SGMS2: variants seen among roughly 807,000 people sequenced by gnomAD.
The protein encoded by SGMS2 is sphingomyelin synthase 2.
In SGMS2, 21 loss-of-function variants were observed where a neutral mutation model predicts 43.8. The ratio of observed to expected loss-of-function variants is 0.48; its 90% CI spans 0.34 to 0.69. The LOEUF (loss-of-function observed/expected upper bound fraction) is 0.69. Among genes scored for constraint, SGMS2 ranks in the 30% least tolerant of loss-of-function variants. The pLI, the probability that SGMS2 is intolerant of heterozygous loss-of-function variation, is 0.01. For missense variants in SGMS2, 384 were observed against 443.2 expected (o/e 0.87, Z 1.20); for synonymous variants, 167 against 160.6 (o/e 1.04, Z -0.30).
At chr4:107,883,339 G>A (rs894561646) in intron 2 of SGMS2, among the ~76,000 whole-genome samples, 7 of 152,182 alleles carry the variant, frequency 4.6e-5, no homozygotes, top group South Asian at 4.1e-4. Context: ...TTTTGAAATA[G>A]AGTCTTGCTC....
chr4:107,826,894 GT>G (rs1725624694), intron 1 of SGMS2, among the ~76,000 whole-genome samples: 1 of 152,196 alleles, frequency 6.6e-6, no homozygotes, highest in Admixed American at 6.5e-5. Context: ...AACTTACAGG[GT>G]GAAAGATCTG....
At chr4:107,824,825 G>A (rs1440914133), upstream of SGMS2, 1 of 152,240 alleles carries the variant, frequency 6.6e-6, no homozygotes, top group African/African-American at 2.4e-5. Flanking sequence ...GAGTGGGCGG[G>A]CGAGGGTGTG....
At chr4:107,826,067 T>G (rs955940046) in intron 1 of SGMS2, among the ~76,000 whole-genome samples, 1 of 152,194 alleles carries the variant, frequency 6.6e-6, no homozygotes, top group African/African-American at 2.4e-5. Flanking sequence ...CTATTAACGG[T>G]GGGTGCTCAG....
intron 5 of SGMS2, among the ~76,000 whole-genome samples, chr4:107,905,357 A>G (rs1170429997): frequency 6.6e-6 from 1 of 152,224 alleles, no homozygotes; most frequent in Admixed American, 6.5e-5. Context: ...CCCATGATTC[A>G]GTTATTTCCC....
At chr4:107,846,397 A>G (rs921136393) in intron 1 of SGMS2, among the ~76,000 whole-genome samples, 2 of 151,242 alleles carry the variant, frequency 1.3e-5, no homozygotes, top group African/African-American at 4.9e-5. Flanking sequence ...TTTACTGAGA[A>G]TGATGATTTC....
chr4:107,862,264 C>A (rs1178647907), intron 2 of SGMS2, among the ~76,000 whole-genome samples: 1 of 152,172 alleles, frequency 6.6e-6, no homozygotes, highest in Non-Finnish European at 1.5e-5. Flanking sequence ...AACCCAGGCA[C>A]ACATGCTAAC....
At chr4:107,876,742 T>TA in intron 2 of SGMS2, among the ~76,000 whole-genome samples, 1 of 152,348 alleles carries the variant, frequency 6.6e-6, no homozygotes, top group Non-Finnish European at 1.5e-5. Context: ...TTTCATTTTT[T>TA]ATCCTGAGTT....
intron 2 of SGMS2, among the ~76,000 whole-genome samples, chr4:107,880,656 G>C (rs1729265409): frequency 6.6e-6 from 1 of 152,042 alleles, no homozygotes; most frequent in Admixed American, 6.6e-5. Flanking sequence ...AGAGGTTCGA[G>C]ATCAACCTGG....
chr4:107,847,589 C>A (rs901945121), intron 1 of SGMS2, among the ~76,000 whole-genome samples: 1 of 151,940 alleles, frequency 6.6e-6, no homozygotes, highest in African/African-American at 2.4e-5. Flanking sequence ...ATTGACTTGG[C>A]GATGCGGGCT....
At chr4:107,878,068 A>G (rs1328082159) in intron 2 of SGMS2, among the ~76,000 whole-genome samples, 1 of 151,480 alleles carries the variant, frequency 6.6e-6, no homozygotes, top group East Asian at 1.9e-4. Flanking sequence ...GGTGCGCACC[A>G]CCATGCCCGG....
intron 2 of SGMS2, among the ~76,000 whole-genome samples, chr4:107,869,754 AT>A (rs1415115140): frequency 6.6e-6 from 1 of 152,172 alleles, no homozygotes; most frequent in Non-Finnish European, 1.5e-5. Flanking sequence ...TAGAGGACAG[AT>A]TAAAAAAAAA....
rs1732052736 is a variant in SGMS2 at position 107,910,683 on chromosome 4, T to A, written c.*130T>A. On this transcript the variant is annotated 3_prime_UTR_variant, in exon 7 of 7. Coordinates refer to ENST00000690982, the MANE Select transcript of SGMS2 (RefSeq NM_001375905.1). ...ATGGACCAAATTTTGTGTAAACGAT[T>A]AGAAAGATGAACAAAGTATTGCCCT... is the stretch of plus-strand genomic sequence containing the variant. 1.0e-5 allele frequency: 8 copies of A among 780,304 alleles called. No individual in the cohort carries two copies. In the South Asian group the frequency reaches 1.5e-4, roughly 15 times the overall value. 48.3% of individuals were successfully genotyped at this position (780,304 alleles called of 1,614,324 possible).
intron 2 of SGMS2, among the ~76,000 whole-genome samples, chr4:107,860,190 T>A (rs564785030): frequency 1.2e-4 from 19 of 152,084 alleles, no homozygotes; most frequent in Non-Finnish European, 2.5e-4. Context: ...GTACTATATT[T>A]CTCTGCAATG....
rs112395970 is a variant in SGMS2 at position 107,837,790 on chromosome 4, C to T, written c.-327+12537C>T. Reference sequence around the variant, plus strand: ...GGAGAAGGGTGGTGGTGGTGGAGATCGAGAATGTTGGATGGGTTTGAAAGT... The same window carrying T: ...GGAGAAGGGTGGTGGTGGTGGAGATTGAGAATGTTGGATGGGTTTGAAAGT... On this transcript the variant is annotated intron_variant, in intron 1 of 6. Coordinates refer to ENST00000690982, the MANE Select transcript of SGMS2 (RefSeq NM_001375905.1). 7.9e-3 allele frequency among the ~76,000 whole-genome samples: 1,201 copies of T among 151,940 alleles called. 22 individuals carry two copies. The highest frequency in any genetic ancestry group is 0.028 in the African/African-American group (1,145 of 41,418).
intron 1 of SGMS2, among the ~76,000 whole-genome samples, chr4:107,844,007 A>G (rs1429571889): frequency 6.6e-6 from 1 of 152,158 alleles, no homozygotes; most frequent in Non-Finnish European, 1.5e-5. Flanking sequence ...TTGATCGATG[A>G]GTAGTTTCAA....
intron 2 of SGMS2, among the ~76,000 whole-genome samples, 174 bp from the exon 3 acceptor site, chr4:107,895,136 T>C (rs1730559041): frequency 6.6e-6 from 1 of 152,234 alleles, no homozygotes; most frequent in Non-Finnish European, 1.5e-5. Context: ...AAGATAAAAC[T>C]GTTCAGTATT....
At position 107,903,237 on chromosome 4, in the gene SGMS2, A is replaced by G. The variant is rs756327378; in HGVS notation, c.578A>G (p.Asn193Ser). 1 of 1,613,964 alleles carries G rather than the reference A, an allele frequency of 6.2e-7. No homozygotes were observed. The highest frequency in any genetic ancestry group is 1.1e-5 in the South Asian group (1 of 91,080). Residue 193 changes from asparagine to serine, a missense_variant, in exon 5 of 7, where the codon AAT becomes AGT. Asn to Ser is a conservative substitution (Grantham distance 46, BLOSUM62 1). Coordinates refer to ENST00000690982, the MANE Select transcript of SGMS2 (RefSeq NM_001375905.1). ...GMHFQCAPKL[N>S]GDSQAKVQRI... is the part of the protein sequence containing the mutation. ...TAATCTTCTTGTGTCATTCAGCTCA[A>G]TGGAGACTCTCAGGCAAAAGTTCAA... is the stretch of plus-strand genomic sequence containing the variant.
At chr4:107,881,454 C>T (rs572648337) in intron 2 of SGMS2, among the ~76,000 whole-genome samples, 1 of 151,396 alleles carries the variant, frequency 6.6e-6, no homozygotes. Context: ...ATCTCAATTT[C>T]TTTTTATTTT....
chr4:107,862,664 C>A (rs1005966160), intron 2 of SGMS2, among the ~76,000 whole-genome samples: 1 of 152,078 alleles, frequency 6.6e-6, no homozygotes, highest in Non-Finnish European at 1.5e-5. Flanking sequence ...ACTGAAGGAG[C>A]CTCTACCAAG....
Sources: gnomAD v4.1 joint callset for allele counts (sites outside exome capture counted in the v4.1 genomes callset) on GRCh38, gnomAD v4.1.1 for gene constraint, MANE v1.5 for transcripts, NCBI Gene and HGNC (gene_info 2026-07-23, HGNC 2026-07-21) for gene names.